The following KLRD1 variants were observed in gnomAD, a reference collection of about 807,000 sequenced individuals.
KLRD1 encodes the protein natural killer cells antigen CD94.
In KLRD1, 21 loss-of-function variants were observed where a neutral mutation model predicts 22.6. The ratio of observed to expected loss-of-function variants is 0.93; its 90% confidence interval spans 0.66 to 1.34. The LOEUF (loss-of-function observed/expected upper bound fraction) is 1.34, where lower values mean the gene tolerates loss of function less well. KLRD1 is among the 40% of genes most tolerant of loss of function. KLRD1 has a pLI of 0.00. For missense variants in KLRD1, 183 were observed against 208.6 expected, an observed-to-expected ratio of 0.88 and a Z score of 0.76; for synonymous variants, 59 against 71.1, an observed-to-expected ratio of 0.83 and a Z score of 0.85.
intron 1 of KLRD1, among the ~76,000 whole-genome samples, chr12:10,279,941 T>G (rs576941809): frequency 2.8e-4 from 43 of 152,336 alleles, no homozygotes; most frequent in African/African-American, 1.0e-3. Flanking sequence ...AGTTTTGATT[T>G]CCTTCTCCTC....
intron 1 of KLRD1, among the ~76,000 whole-genome samples, chr12:10,240,726 C>G (rs551542069): frequency 6.6e-6 from 1 of 152,162 alleles, no homozygotes; most frequent in African/African-American, 2.4e-5. Context: ...TATCAGACAT[C>G]ATGTGATTTT....
intron 1 of KLRD1, among the ~76,000 whole-genome samples, chr12:10,285,942 C>A (rs572997618): frequency 2.0e-5 from 3 of 152,184 alleles, no homozygotes; most frequent in Non-Finnish European, 4.4e-5. Context: ...CTCTTCTCTC[C>A]TCCTTAAGCT....
At chr12:10,286,142 T>G (rs1009785617) in intron 1 of KLRD1, among the ~76,000 whole-genome samples, 1 of 152,126 alleles carries the variant, frequency 6.6e-6, no homozygotes, top group Admixed American at 6.5e-5. Context: ...AACTCTGTGG[T>G]TGGAAACATT....
intron 5 of KLRD1, among the ~76,000 whole-genome samples, chr12:10,314,471 C>T (rs866231310): frequency 1.3e-5 from 2 of 152,020 alleles, no homozygotes; most frequent in Middle Eastern, 6.8e-3. Context: ...GGCCTCAATG[C>T]TATTGATTAG....
At chr12:10,304,325 C>T (rs7314888), upstream of KLRD1, 82,132 of 152,046 alleles carry the variant, frequency 0.54, 23,540 homozygotes, top group Middle Eastern at 0.68. Context: ...TGACACATCT[C>T]CATTTTATAC....
intron 1 of KLRD1, among the ~76,000 whole-genome samples, chr12:10,284,596 G>A (rs1045059205): frequency 2.0e-5 from 3 of 152,118 alleles, no homozygotes; most frequent in Non-Finnish European, 4.4e-5. Context: ...ATGCCAATGA[G>A]GCTGTTAATT....
intron 3 of KLRD1, among the ~76,000 whole-genome samples, chr12:10,311,030 CAG>C (rs768201115): frequency 5.3e-4 from 81 of 152,254 alleles, no homozygotes; most frequent in Admixed American, 1.8e-3. Context: ...TTTTCTGACT[CAG>C]AAAGTATGCT....
Position 10,320,967 on chromosome 12 carries a change from T to A in KLRD1, c.*6174T>A, listed in dbSNP as rs1036712608. 6.6e-6 allele frequency: 1 copy of A among 152,182 alleles called. No individual in the cohort carries two copies. Among genetic ancestry groups the A allele is most frequent in the Non-Finnish European group, 1.5e-5 (1 of 68,028 alleles). The allele number at this position is 152,182 out of a possible 1,614,324, so 9.4% of individuals were successfully genotyped here. A position where few individuals can be genotyped will look rare whatever the true frequency, so the allele number is the denominator to read the frequency against. On this transcript the variant is annotated 3_prime_UTR_variant, in exon 6 of 6. Coordinates refer to ENST00000336164, the MANE Select transcript of KLRD1 (RefSeq NM_002262.5). ...GAGTTCATAGAAAACCTCAAAACACTTTTGAGATGACTATGTCAGTAGAAA... is the reference window on the plus strand; with the variant it reads ...GAGTTCATAGAAAACCTCAAAACACATTTGAGATGACTATGTCAGTAGAAA...
chr12:10,316,692 T>C lies in KLRD1; in HGVS notation c.*1899T>C, dbSNP rs1306841922. Reference sequence around the variant, plus strand: ...GGCTGGAATTACAGGCATAAGCCACTGTGCCCGGCCAGTTTATATAATTTA... The same window carrying C: ...GGCTGGAATTACAGGCATAAGCCACCGTGCCCGGCCAGTTTATATAATTTA... On this transcript the variant is annotated 3_prime_UTR_variant, in exon 6 of 6. Transcript: ENST00000336164. The C allele has an allele frequency of 6.6e-6, 1 of 152,208 alleles. No individual in the cohort carries two copies. The highest frequency in any genetic ancestry group is 2.4e-5 in the African/African-American group (1 of 41,462). The allele number at this position is 152,208 out of a possible 1,614,324, so 9.4% of individuals were successfully genotyped here.
At chr12:10,306,557 T>A (rs1361931900), upstream of KLRD1, among the ~76,000 whole-genome samples, 3 of 152,210 alleles carry the variant, frequency 2.0e-5, no homozygotes, top group Non-Finnish European at 4.4e-5. Context: ...CCTAATCTCC[T>A]ATATTTTGAG....
At position 10,309,645 on chromosome 12, in the gene KLRD1, T is replaced by G. The variant is rs1341548058; in HGVS notation, c.120T>G (p.Ile40Met). Residue 40 changes from isoleucine (I) to methionine (M), a missense_variant, in exon 3 of 6, where the codon ATT (isoleucine) becomes ATG (methionine). Transcript: ENST00000336164. ...LLKNSFTKLS[I>M]EPAFTPGPNI... ...TTATAGCTTTTACTAAACTGAGTATTGAGCCAGCATTTACTCCAGGACCCA... is the reference window on the plus strand; with the variant it reads ...TTATAGCTTTTACTAAACTGAGTATGGAGCCAGCATTTACTCCAGGACCCA... The G allele has an allele frequency of 1.2e-6, 2 of 1,613,000 alleles. No individual in the cohort carries two copies. The highest frequency in any genetic ancestry group is 2.7e-5 in the African/African-American group (2 of 74,910).
At chr12:10,255,304 T>A (rs1949384931) in intron 1 of KLRD1, among the ~76,000 whole-genome samples, 1 of 152,196 alleles carries the variant, frequency 6.6e-6, no homozygotes, top group Non-Finnish European at 1.5e-5. Context: ...AAGGTCCAAC[T>A]TTTGGCTTTG....
intron 1 of KLRD1, among the ~76,000 whole-genome samples, chr12:10,268,680 T>C (rs1288453319): frequency 6.6e-6 from 1 of 152,208 alleles, no homozygotes; most frequent in Non-Finnish European, 1.5e-5. Context: ...ATTGTGGCTT[T>C]TCCTTGCCGA....
intron 1 of KLRD1, among the ~76,000 whole-genome samples, chr12:10,246,162 T>C (rs1949288940): frequency 6.6e-6 from 1 of 152,176 alleles, no homozygotes; most frequent in Admixed American, 6.5e-5. Flanking sequence ...TGTATATTGC[T>C]CCCTCCTTTC....
intron 1 of KLRD1, among the ~76,000 whole-genome samples, chr12:10,277,703 T>C (rs1246434247): frequency 6.6e-6 from 1 of 152,212 alleles, no homozygotes; most frequent in East Asian, 1.9e-4. Flanking sequence ...AACTGTGATA[T>C]ACTATTTAGA....
In KLRD1 at chr12:10,320,788, A is replaced by C. The variant is rs901989712; in HGVS notation, c.*5995A>C. ...TTCCTGTAAATATCATAGAAAGAAC[A>C]CAAGTAGTGCCTCAATTCAGTCAGA... is the stretch of plus-strand genomic sequence containing the variant. On this transcript the variant is annotated 3_prime_UTR_variant, in exon 6 of 6. Coordinates refer to ENST00000336164, the MANE Select transcript of KLRD1 (RefSeq NM_002262.5). 6.6e-6 allele frequency: 1 copy of C among 152,230 alleles called. No homozygotes were observed. The highest frequency in any genetic ancestry group is 2.4e-5 in the African/African-American group (1 of 41,462). The allele number at this position is 152,230 out of a possible 1,614,324, so 9.4% of individuals were successfully genotyped here.
intron 1 of KLRD1, among the ~76,000 whole-genome samples, chr12:10,263,653 A>G (rs1463227370): frequency 1.3e-5 from 2 of 152,030 alleles, no homozygotes; most frequent in Non-Finnish European, 2.9e-5. Context: ...TTTACCCACA[A>G]AGTTTCAGTT....
At chr12:10,269,472 T>G (rs1331709267) in intron 1 of KLRD1, among the ~76,000 whole-genome samples, 1 of 152,168 alleles carries the variant, frequency 6.6e-6, no homozygotes, top group Non-Finnish European at 1.5e-5. Context: ...CTTTAAAAAT[T>G]ATCAGCCAGG....
In KLRD1 at chr12:10,316,299, A is replaced by T. The variant is rs1443501431; in HGVS notation, c.*1506A>T. The T allele has an allele frequency of 6.6e-6, 1 of 152,172 alleles. No homozygotes were observed. The highest frequency in any genetic ancestry group is 2.4e-5 in the African/African-American group (1 of 41,440). 9.4% of individuals were successfully genotyped at this position (152,172 alleles called of 1,614,324 possible). A position where few individuals can be genotyped will look rare whatever the true frequency, so the allele number is the denominator to read the frequency against. On this transcript the variant is annotated 3_prime_UTR_variant, in exon 6 of 6. Transcript: ENST00000336164. ...GTGTACACTAGGCCACTGGTGTACC[A>T]ATTAGAAACCACTTTAGAGTTATGC...
Sources: gnomAD v4.1 joint callset for allele counts (sites outside exome capture counted in the v4.1 genomes callset) on GRCh38, gnomAD v4.1.1 for gene constraint, MANE v1.5 for transcripts, NCBI Gene and HGNC (gene_info 2026-07-23, HGNC 2026-07-21) for gene names.